The following NFIA variants were observed in gnomAD, a reference collection of about 807,000 sequenced individuals.
The protein encoded by NFIA is nuclear factor I A.
A neutral mutation model predicts 62.8 loss-of-function variants in NFIA; 8 were observed. That is an observed-to-expected ratio of 0.13 (90% confidence interval 0.07 to 0.23). The LOEUF (loss-of-function observed/expected upper bound fraction) is 0.23. Ranked by LOEUF, NFIA falls within the 10% of genes least tolerant of loss-of-function variation. The pLI, the probability that NFIA is intolerant of heterozygous loss-of-function variation, is 1.00. For missense variants in NFIA, 410 were observed against 642.1 expected (o/e 0.64, Z 3.91); for synonymous variants, 235 against 238.1 (o/e 0.99, Z 0.12).
At chr1:61,254,993 A>T (rs1344911294) in intron 2 of NFIA, among the ~76,000 whole-genome samples, 1 of 152,174 alleles carries the variant, frequency 6.6e-6, no homozygotes, top group Admixed American at 6.5e-5. Context: ...GACAGCTAGG[A>T]TCCCCTTTTC....
chr1:61,326,281 G>C (rs1660930392), intron 3 of NFIA, among the ~76,000 whole-genome samples: 1 of 152,170 alleles, frequency 6.6e-6, no homozygotes, highest in Non-Finnish European at 1.5e-5. Flanking sequence ...TTTATCATCA[G>C]AAACGCCTGA....
intron 9 of NFIA, among the ~76,000 whole-genome samples, chr1:61,422,021 G>A (rs1044859937): frequency 1.3e-5 from 2 of 152,112 alleles, no homozygotes; most frequent in African/African-American, 4.8e-5. Context: ...CAGCACTTTG[G>A]GAGGCCAAAG....
At chr1:61,392,518 C>T (rs1329410870) in intron 7 of NFIA, among the ~76,000 whole-genome samples, 6 of 152,006 alleles carry the variant, frequency 3.9e-5, no homozygotes, top group Non-Finnish European at 5.9e-5. Flanking sequence ...GGCCACCCAC[C>T]GAGCCACCCT....
In NFIA at chr1:61,455,549, A is replaced by T. The variant is rs1668264787; in HGVS notation, c.*229A>T. 1 of 598,384 alleles carries T rather than the reference A, an allele frequency of 1.7e-6. No individual in the cohort carries two copies. Among genetic ancestry groups the T allele is most frequent in the Admixed American group, 3.4e-5 (1 of 29,312 alleles). 37.1% of individuals were successfully genotyped at this position (598,384 alleles called of 1,614,324 possible). ...TTTAAAATACTTTAGGGACTGTTGT[A>T]ATTTCTCATATGGTGCTGGAAATGG... On this transcript the variant is annotated 3_prime_UTR_variant, in exon 11 of 11. Coordinates refer to ENST00000403491, the MANE Select transcript of NFIA (RefSeq NM_001134673.4).
intron 2 of NFIA, among the ~76,000 whole-genome samples, chr1:61,219,559 A>G (rs1282274865): frequency 4.0e-5 from 6 of 151,562 alleles, no homozygotes; most frequent in Non-Finnish European, 8.8e-5. Context: ...CTAAAAATAC[A>G]AAAAATTAGC....
At chr1:61,078,171 C>T (rs1646055271), upstream of NFIA, among the ~76,000 whole-genome samples, 1 of 151,860 alleles carries the variant, frequency 6.6e-6, no homozygotes, top group African/African-American at 2.4e-5. Flanking sequence ...AAGTTCTCTG[C>T]AGCTCTGAAG....
chr1:61,110,862 T>TATTCTTTATTCTTAAAG (rs1646683525), intron 2 of NFIA, among the ~76,000 whole-genome samples: 1 of 152,110 alleles, frequency 6.6e-6, no homozygotes, highest in Admixed American at 6.6e-5. Context: ...ATATTAGGGA[T>TATTCTTTATTCTTAAAG]TGTCACTTTA....
chr1:61,164,616 C>T (rs1311467226), intron 2 of NFIA, among the ~76,000 whole-genome samples: 7 of 152,124 alleles, frequency 4.6e-5, no homozygotes, highest in Admixed American at 1.3e-4. Context: ...CCCGCCGCCA[C>T]GCCCGGCTAA....
intron 6 of NFIA, among the ~76,000 whole-genome samples, chr1:61,368,773 T>A (rs1663733288): frequency 6.6e-6 from 1 of 152,370 alleles, no homozygotes; most frequent in South Asian, 2.1e-4. Flanking sequence ...TTGAAAACCC[T>A]AAACTTACTG....
chr1:61,395,974 G>C (rs1665248238), intron 7 of NFIA, among the ~76,000 whole-genome samples: 1 of 151,950 alleles, frequency 6.6e-6, no homozygotes, highest in Non-Finnish European at 1.5e-5. Flanking sequence ...TATTTTTATG[G>C]ATCAGTTGTA....
At chr1:61,378,499 C>G (rs190350201) in intron 6 of NFIA, among the ~76,000 whole-genome samples, 93 of 152,262 alleles carry the variant, frequency 6.1e-4, no homozygotes, top group African/African-American at 2.0e-3. Context: ...CAGTAAACAT[C>G]TTTAATACAC....
chr1:61,257,876 T>C (rs977323206), intron 2 of NFIA, among the ~76,000 whole-genome samples: 5 of 122,372 alleles, frequency 4.1e-5, no homozygotes, highest in East Asian at 4.7e-4. Context: ...TTTTTTTTTT[T>C]CTTTTTTTCT....
intron 2 of NFIA, among the ~76,000 whole-genome samples, chr1:61,244,767 A>G (rs1655542989): frequency 2.0e-5 from 3 of 152,326 alleles, no homozygotes; most frequent in African/African-American, 7.2e-5. Context: ...CAAACAAAAG[A>G]GTATCATCCT....
intron 3 of NFIA, among the ~76,000 whole-genome samples, chr1:61,302,351 A>T (rs1659539204): frequency 6.6e-6 from 1 of 152,234 alleles, no homozygotes. Context: ...GCTAATTCAT[A>T]GCTACAGTTA....
chr1:61,225,258 T>G (rs923547262), intron 2 of NFIA, among the ~76,000 whole-genome samples: 1 of 145,220 alleles, frequency 6.9e-6, no homozygotes, highest in Non-Finnish European at 1.5e-5. Context: ...TCCATAGTAC[T>G]TTTTTTTTTT....
intron 2 of NFIA, among the ~76,000 whole-genome samples, chr1:61,180,508 C>T (rs561691014): frequency 2.6e-5 from 4 of 152,266 alleles, no homozygotes; most frequent in South Asian, 2.1e-4. Flanking sequence ...GGTTGCAGCA[C>T]TGGTGAATAC....
chr1:61,084,113 T>G (rs1432679090), intron 1 of NFIA, among the ~76,000 whole-genome samples: 3 of 152,228 alleles, frequency 2.0e-5, no homozygotes, highest in African/African-American at 7.2e-5. Flanking sequence ...AGTTATATGC[T>G]TCACATAAAA....
At position 61,217,001 on chromosome 1, in the gene NFIA, A is replaced by AAATT. The variant is rs144650207; in HGVS notation, c.560-60499_560-60496dup. Among the ~76,000 whole-genome samples the AAATT allele has an allele frequency of 5.4e-4, 82 of 151,564 alleles. No homozygotes were observed. The South Asian group carries it at 9.4e-3, about 17-fold the overall frequency. On this transcript the variant is annotated intron_variant, in intron 2 of 10. Transcript: ENST00000403491. Reference sequence around the variant, plus strand: ...GGTGACAGAATGAGACTTCATCTCTAAATTAATTAATTAATTAATTAATAA... The same window carrying AAATT: ...GGTGACAGAATGAGACTTCATCTCTAAATTAATTAATTAATTAATTAATTAATAA...
chr1:61,435,628 T>G (rs1323732583), intron 10 of NFIA, among the ~76,000 whole-genome samples: 1 of 152,164 alleles, frequency 6.6e-6, no homozygotes, highest in East Asian at 1.9e-4. Flanking sequence ...CAAATTTCTT[T>G]GTAGGTCTCA....
Sources: gnomAD v4.1 joint callset for allele counts (sites outside exome capture counted in the v4.1 genomes callset) on GRCh38, gnomAD v4.1.1 for gene constraint, MANE v1.5 for transcripts, NCBI Gene and HGNC (gene_info 2026-07-23, HGNC 2026-07-21) for gene names.